Variants in CPNE4 observed in about 807,000 individuals in gnomAD.
CPNE4 encodes the protein copine 4, also known as copine-4.
In CPNE4, 25 loss-of-function variants were observed where a neutral mutation model predicts 67.9. The observed-to-expected ratio is 0.37, with a 90% confidence interval of 0.27 to 0.51. CPNE4 has a LOEUF of 0.51. Among genes scored for constraint, CPNE4 ranks in the 20% least tolerant of loss-of-function variants. The pLI, the probability that CPNE4 is intolerant of heterozygous loss-of-function variation, is 0.93. For synonymous variants in CPNE4, 242 were observed against 244.9 expected (o/e 0.99, Z 0.11); for missense variants, 464 against 690.8 (o/e 0.67, Z 3.68).
chr3:131,904,370 G>T (rs1399343345), intron 2 of CPNE4, among the ~76,000 whole-genome samples: 1 of 152,058 alleles, frequency 6.6e-6, no homozygotes, highest in Non-Finnish European at 1.5e-5. Context: ...AACTCAGACT[G>T]AGGTAACCAT....
chr3:132,007,799 G>A (rs2073647420), intron 1 of CPNE4, among the ~76,000 whole-genome samples: 1 of 152,100 alleles, frequency 6.6e-6, no homozygotes, highest in East Asian at 1.9e-4. Flanking sequence ...CTGTCTCACA[G>A]TCACTTGCTC....
At chr3:131,984,618 C>T (rs767873515) in intron 1 of CPNE4, among the ~76,000 whole-genome samples, 1 of 152,150 alleles carries the variant, frequency 6.6e-6, no homozygotes, top group African/African-American at 2.4e-5. Flanking sequence ...TTTCCCTGAA[C>T]GATTTTTGCA....
chr3:131,987,275 A>C (rs560654203), intron 1 of CPNE4, among the ~76,000 whole-genome samples: 1 of 152,226 alleles, frequency 6.6e-6, no homozygotes, highest in Non-Finnish European at 1.5e-5. Context: ...AGAAGAAGGA[A>C]AACCTCTTTG....
In CPNE4 at chr3:132,013,510, C is replaced by T. The variant is rs527509070; in HGVS notation, c.-2+21057G>A. Among the ~76,000 whole-genome samples the T allele has an allele frequency of 4.6e-5, 7 of 152,260 alleles. No homozygotes were observed. The South Asian group carries it at 1.5e-3, about 32-fold the overall frequency. On this transcript the variant is annotated intron_variant, in intron 1 of 15. Transcript: ENST00000429747. ...TTCAGACATCACAACTCTTCATTTG[C>T]TAATTATCAGAACCCAAGGTCAACT... is the stretch of plus-strand genomic sequence containing the variant.
intron 1 of CPNE4, among the ~76,000 whole-genome samples, chr3:132,000,521 A>T (rs2073404957): frequency 6.6e-6 from 1 of 151,590 alleles, no homozygotes; most frequent in Admixed American, 6.6e-5. Flanking sequence ...ATAAAATATC[A>T]AATTTATTAG....
chr3:132,015,377 T>C (rs574613662), intron 1 of CPNE4, among the ~76,000 whole-genome samples: 16 of 152,252 alleles, frequency 1.1e-4, no homozygotes, highest in African/African-American at 2.9e-4. Flanking sequence ...CCCCCTTCCT[T>C]TCTGCTAGAA....
chr3:131,602,970 C>T (rs965783138), intron 7 of CPNE4, among the ~76,000 whole-genome samples: 5 of 152,168 alleles, frequency 3.3e-5, no homozygotes, highest in Non-Finnish European at 5.9e-5. Context: ...ATGATGCATA[C>T]TACTTTTAAC....
At chr3:131,601,352 G>T (rs189800213) in intron 7 of CPNE4, among the ~76,000 whole-genome samples, 2 of 152,218 alleles carry the variant, frequency 1.3e-5, no homozygotes, top group East Asian at 3.9e-4. Flanking sequence ...AAAAATGCAA[G>T]ACAGTTTCAT....
intron 2 of CPNE4, among the ~76,000 whole-genome samples, chr3:131,828,585 T>G (rs1330445707): frequency 6.6e-6 from 1 of 152,250 alleles, no homozygotes; most frequent in Admixed American, 6.5e-5. Context: ...CAAAGAAAGT[T>G]GCTCTGAACA....
At chr3:131,792,925 G>GTGTGTGTATATATA (rs58502463) in intron 2 of CPNE4, among the ~76,000 whole-genome samples, 2 of 135,140 alleles carry the variant, frequency 1.5e-5, no homozygotes, top group Admixed American at 7.7e-5. Context: ...GTGTGTGTGT[G>GTGTGTGTATATATA]TATCTCCAAC....
chr3:131,608,236 TA>T (rs1193449037), intron 7 of CPNE4, among the ~76,000 whole-genome samples: 2 of 152,172 alleles, frequency 1.3e-5, no homozygotes, highest in Non-Finnish European at 2.9e-5. Context: ...TCCCTTTCCT[TA>T]AAAACTTGGA....
At chr3:131,769,608 G>A (rs2083112536) in intron 2 of CPNE4, among the ~76,000 whole-genome samples, 1 of 152,124 alleles carries the variant, frequency 6.6e-6, no homozygotes, top group South Asian at 2.1e-4. Context: ...AGTGGTGATG[G>A]AACAACTAAA....
At chr3:131,687,922 A>G (rs1251205894) in intron 5 of CPNE4, among the ~76,000 whole-genome samples, 2 of 152,228 alleles carry the variant, frequency 1.3e-5, no homozygotes, top group Admixed American at 1.3e-4. Flanking sequence ...TCACAGACAT[A>G]GAGGGGGATA....
chr3:131,960,713 TC>T (rs1216793702), intron 1 of CPNE4, among the ~76,000 whole-genome samples: 3 of 152,180 alleles, frequency 2.0e-5, no homozygotes, highest in Admixed American at 1.3e-4. Context: ...TCTGAAGGAC[TC>T]CCCAAAGAGC....
intron 2 of CPNE4, among the ~76,000 whole-genome samples, chr3:131,829,660 C>T (rs1295637296): frequency 1.3e-5 from 2 of 152,160 alleles, no homozygotes; most frequent in Non-Finnish European, 2.9e-5. Flanking sequence ...AATCAAGGAG[C>T]AAAGACCCCA....
Position 131,749,640 on chromosome 3 carries a change from T to G in CPNE4, c.181-26015A>C, listed in dbSNP as rs1302245384. Among the ~76,000 whole-genome samples the G allele has an allele frequency of 2.6e-5, 4 of 152,178 alleles. No homozygotes were observed. In the East Asian group the frequency reaches 7.7e-4, roughly 29 times the overall value. ...ATTGTAATTTGAAACTGTTGTTTCA[T>G]GTATACACATTTAAGATTGTTATGT... On this transcript the variant is annotated intron_variant, in intron 2 of 15. Transcript: ENST00000429747.
At chr3:131,598,445 CT>C (rs1283479110) in intron 7 of CPNE4, among the ~76,000 whole-genome samples, 1 of 152,112 alleles carries the variant, frequency 6.6e-6, no homozygotes, top group Admixed American at 6.6e-5. Flanking sequence ...CCTTTGTTTT[CT>C]TTTGTTAGGT....
At chr3:131,680,312 A>G (rs1321320148) in intron 6 of CPNE4, among the ~76,000 whole-genome samples, 2 of 145,436 alleles carry the variant, frequency 1.4e-5, no homozygotes, top group Non-Finnish European at 3.0e-5. Context: ...TTTTGAGCCT[A>G]TATGTGTCAA....
intron 2 of CPNE4, among the ~76,000 whole-genome samples, chr3:131,761,983 T>A (rs1583158154): frequency 6.6e-6 from 1 of 152,088 alleles, no homozygotes; most frequent in Admixed American, 6.6e-5. Context: ...AGGGAGCAAA[T>A]GATAACACTC....
Sources: allele counts gnomAD v4.1 joint callset (sites outside exome capture counted in the v4.1 genomes callset), GRCh38; gene constraint gnomAD v4.1.1; transcripts MANE v1.5; gene names NCBI Gene and HGNC (gene_info 2026-07-23, HGNC 2026-07-21).